Variants in SPOCK3 observed in about 807,000 individuals in gnomAD.
SPOCK3 encodes the protein SPARC (osteonectin), cwcv and kazal like domains proteoglycan 3, also known as testican-3.
SPOCK3 carries 30 observed loss-of-function variants against 56.6 expected under a neutral mutation model. The ratio of observed to expected loss-of-function variants is 0.53; its 90% CI spans 0.40 to 0.72. SPOCK3 has a LOEUF of 0.72. Among genes scored for constraint, SPOCK3 ranks in the 30% least tolerant of loss-of-function variants. The pLI is 0.00. For synonymous variants in SPOCK3, 196 were observed against 183.3 expected (o/e 1.07, Z -0.56); for missense variants, 527 against 530.0 (o/e 0.99, Z 0.06).
At chr4:166,905,185 CT>C (rs1736483830) in intron 5 of SPOCK3, among the ~76,000 whole-genome samples, 1 of 151,886 alleles carries the variant, frequency 6.6e-6, no homozygotes, top group Admixed American at 6.6e-5. Flanking sequence ...ACAAATATTA[CT>C]AGAACTTCTA....
chr4:167,143,062 C>T (rs1763662307), intron 2 of SPOCK3, among the ~76,000 whole-genome samples: 1 of 151,906 alleles, frequency 6.6e-6, no homozygotes. Flanking sequence ...ATGGTTGCAT[C>T]AAAGGAGGGG....
intron 4 of SPOCK3, among the ~76,000 whole-genome samples, chr4:166,955,702 T>C (rs1180919660): frequency 2.7e-5 from 4 of 148,924 alleles, no homozygotes; most frequent in African/African-American, 7.3e-5. Context: ...AAGTTTTCTT[T>C]TACAAATATA....
intron 3 of SPOCK3, among the ~76,000 whole-genome samples, chr4:167,003,615 G>A (rs201679428): frequency 3.3e-5 from 5 of 152,048 alleles, no homozygotes; most frequent in African/African-American, 4.8e-5. Flanking sequence ...TCCATTTAGC[G>A]TCTCCTCTTC....
At chr4:167,216,700 C>A (rs958748264) in intron 2 of SPOCK3, among the ~76,000 whole-genome samples, 1 of 152,060 alleles carries the variant, frequency 6.6e-6, no homozygotes, top group Non-Finnish European at 1.5e-5. Context: ...TTGCACAGCT[C>A]ACTTTTACCT....
intron 6 of SPOCK3, among the ~76,000 whole-genome samples, chr4:166,815,681 G>A (rs1282614830): frequency 2.6e-5 from 4 of 152,132 alleles, no homozygotes; most frequent in African/African-American, 7.2e-5. Context: ...CTGGGAGGCT[G>A]AGGCAGATTA....
At chr4:167,032,228 C>T (rs1752341811) in intron 3 of SPOCK3, among the ~76,000 whole-genome samples, 2 of 151,768 alleles carry the variant, frequency 1.3e-5, no homozygotes, top group Non-Finnish European at 1.5e-5. Context: ...GAAAGTTTTC[C>T]ACTTCTTACA....
chr4:166,737,060 C>T lies in SPOCK3; in HGVS notation c.1132+407G>A, dbSNP rs528320255. Among the ~76,000 whole-genome samples the T allele has an allele frequency of 1.5e-4, 23 of 152,110 alleles. No homozygotes were observed. In the South Asian group the frequency reaches 4.6e-3, roughly 30 times the overall value. ...GGTTTGTATTTCTTTGGCTGGTGAA[C>T]CCACATATTCCCTAAGTTACCATCT... On this transcript the variant is annotated intron_variant, in intron 10 of 10. Coordinates refer to ENST00000357545, the MANE Select transcript of SPOCK3 (RefSeq NM_001040159.2).
At chr4:166,986,159 T>A (rs1747136663) in intron 4 of SPOCK3, among the ~76,000 whole-genome samples, 2 of 152,188 alleles carry the variant, frequency 1.3e-5, no homozygotes, top group Admixed American at 6.5e-5. Context: ...ATGTTTCACT[T>A]GTTGAAGAAT....
At chr4:166,934,493 G>A (rs531945396) in intron 4 of SPOCK3, among the ~76,000 whole-genome samples, 5 of 151,406 alleles carry the variant, frequency 3.3e-5, no homozygotes, top group Admixed American at 6.6e-5. Context: ...GCGAGACTCC[G>A]TCTCAAAAAA....
intron 2 of SPOCK3, among the ~76,000 whole-genome samples, chr4:167,174,514 G>A (rs914800192): frequency 1.3e-5 from 2 of 152,020 alleles, no homozygotes; most frequent in African/African-American, 4.8e-5. Flanking sequence ...TTGAAACAAG[G>A]AGGAGGCAGT....
At chr4:167,111,600 T>C (rs1029312478) in intron 2 of SPOCK3, among the ~76,000 whole-genome samples, 1 of 152,266 alleles carries the variant, frequency 6.6e-6, no homozygotes, top group East Asian at 1.9e-4. Context: ...TTCATCCTAA[T>C]GTGCGAATAT....
At chr4:166,834,842 A>G (rs1216117974) in intron 6 of SPOCK3, among the ~76,000 whole-genome samples, 1 of 152,050 alleles carries the variant, frequency 6.6e-6, no homozygotes, top group East Asian at 1.9e-4. Flanking sequence ...TCTTTTAATT[A>G]GAAAAATTTG....
intron 6 of SPOCK3, among the ~76,000 whole-genome samples, chr4:166,864,612 C>T (rs958737556): frequency 2.0e-5 from 3 of 151,984 alleles, no homozygotes; most frequent in African/African-American, 2.4e-5. Flanking sequence ...CACCACTGAT[C>T]CCACAGAAAT....
chr4:166,837,035 A>G (rs188298709), intron 6 of SPOCK3, among the ~76,000 whole-genome samples: 1 of 152,236 alleles, frequency 6.6e-6, no homozygotes, highest in Admixed American at 6.5e-5. Context: ...TGGTTCCTAT[A>G]CCTGTTGCAA....
chr4:167,024,784 A>C (rs1486893914), intron 3 of SPOCK3, among the ~76,000 whole-genome samples: 1 of 152,010 alleles, frequency 6.6e-6, no homozygotes, highest in Admixed American at 6.6e-5. Context: ...AAAATCTCAC[A>C]AATCACCACT....
chr4:167,076,434 G>A (rs1429370518), intron 2 of SPOCK3, among the ~76,000 whole-genome samples: 2 of 151,488 alleles, frequency 1.3e-5, no homozygotes, highest in African/African-American at 2.4e-5. Flanking sequence ...CTGCTTGCTC[G>A]ATATTGCTAG....
intron 2 of SPOCK3, among the ~76,000 whole-genome samples, chr4:167,187,447 A>G (rs1173151650): frequency 6.6e-6 from 1 of 152,030 alleles, no homozygotes; most frequent in Non-Finnish European, 1.5e-5. Context: ...TCTCCATGAT[A>G]TAACACCCTA....
At chr4:166,895,624 G>T (rs10014429) in intron 5 of SPOCK3, among the ~76,000 whole-genome samples, 12,977 of 152,126 alleles carry the variant, frequency 0.085, 602 homozygotes, top group Non-Finnish European at 0.1. Flanking sequence ...TAACTAAATT[G>T]TTACATTAAC....
At chr4:166,934,242 G>A (rs1020712764) in intron 4 of SPOCK3, among the ~76,000 whole-genome samples, 4 of 151,682 alleles carry the variant, frequency 2.6e-5, no homozygotes, top group Non-Finnish European at 5.9e-5. Flanking sequence ...TGTAATCCCA[G>A]CACTTTGGGA....
Sources: gnomAD v4.1 joint callset for allele counts (sites outside exome capture counted in the v4.1 genomes callset) on GRCh38, gnomAD v4.1.1 for gene constraint, MANE v1.5 for transcripts, NCBI Gene and HGNC (gene_info 2026-07-23, HGNC 2026-07-21) for gene names.